Variants in PRRG1 observed in about 807,000 individuals in gnomAD.
PRRG1 encodes proline rich and Gla domain 1.
PRRG1 carries 5 observed loss-of-function variants against 11.8 expected under a neutral mutation model. That is an observed-to-expected ratio of 0.42 (90% CI 0.22 to 0.89). The LOEUF is 0.89. Ranked by LOEUF, PRRG1 falls within the 40% of genes least tolerant of loss-of-function variation. The probability of loss-of-function intolerance (pLI) is 0.28; values close to 1 mark genes in which losing one functional copy is unlikely to be tolerated. For missense variants in PRRG1, 155 were observed against 166.1 expected (o/e 0.93, Z 0.37); for synonymous variants, 66 against 60.4 (o/e 1.09, Z -0.43).
intron 1 of PRRG1, among the ~76,000 whole-genome samples, chrX:37,388,373 C>G (rs782491887): frequency 8.9e-5 from 10 of 112,926 alleles, no homozygotes; most frequent in Non-Finnish European, 1.7e-4. Flanking sequence ...GTAGAGGTTC[C>G]CCATGTGGGC....
intron 1 of PRRG1, among the ~76,000 whole-genome samples, chrX:37,390,879 C>T (rs1390066903): frequency 8.9e-6 from 1 of 112,104 alleles, no homozygotes; most frequent in Non-Finnish European, 1.9e-5. Flanking sequence ...CATGGGTAGG[C>T]ATCCTTAAGG....
intron 1 of PRRG1, among the ~76,000 whole-genome samples, chrX:37,361,417 C>T (rs1397797308): frequency 2.7e-5 from 3 of 111,184 alleles, no homozygotes; most frequent in Non-Finnish European, 3.8e-5. Flanking sequence ...TTATTTTCAA[C>T]CTCATTCAAA....
intron 3 of PRRG1, chrX:37,441,159 G>T: frequency 2.4e-6 from 2 of 836,238 alleles, no homozygotes; most frequent in Non-Finnish European, 2.9e-6. Flanking sequence ...ACAAGAAAAT[G>T]TTACCAAAAA....
chrX:37,391,973 C>T (rs1387189281), intron 1 of PRRG1, among the ~76,000 whole-genome samples: 2 of 110,113 alleles, frequency 1.8e-5, no homozygotes, highest in African/African-American at 6.6e-5. Flanking sequence ...GATACTTACA[C>T]TGGGCTTCCT....
At chrX:37,377,097 A>T (rs1476376483) in intron 1 of PRRG1, among the ~76,000 whole-genome samples, 1 of 111,595 alleles carries the variant, frequency 9.0e-6, no homozygotes, top group African/African-American at 3.2e-5. Context: ...TTAAATAAAA[A>T]TATTTGCATA....
At chrX:37,392,657 C>CAA (rs11296949) in intron 1 of PRRG1, among the ~76,000 whole-genome samples, 19 of 50,839 alleles carry the variant, frequency 3.7e-4, no homozygotes, top group African/African-American at 8.6e-4. Context: ...GACTCTGTCT[C>CAA]AAAAAAAAAA....
intron 2 of PRRG1, 143 bp downstream of exon 2, chrX:37,406,402 G>A: frequency 1.7e-6 from 1 of 577,096 alleles, no homozygotes; most frequent in South Asian, 3.3e-5. Context: ...TCTGAAGCAG[G>A]GCTTTTCAGA....
chrX:37,404,789 C>T (rs1266681298), intron 1 of PRRG1, among the ~76,000 whole-genome samples: 3 of 111,825 alleles, frequency 2.7e-5, no homozygotes, highest in Admixed American at 1.9e-4. Context: ...TTCTAAAGTT[C>T]CTTTCAACTC....
rs149397537 is a variant in PRRG1, at chrX:37,411,062, C to G, written c.10+4803C>G. Among the ~76,000 whole-genome samples the G allele has an allele frequency of 3.7e-3, 419 of 111,839 alleles. 2 individuals are homozygous for G. Among genetic ancestry groups the G allele is most frequent in the African/African-American group, 0.013 (394 of 30,830 alleles). On this transcript the variant is annotated intron_variant, in intron 2 of 3. Coordinates refer to ENST00000378628, the MANE Select transcript of PRRG1 (RefSeq NM_001142395.2). ...TTATAATATAATCAGCCTTCCATAT[C>G]TGTAGGTTCCACATCTGTAGATTCA...
chrX:37,406,127 C>T, intron 1 of PRRG1, 82 bp from the exon 2 acceptor site: 2 of 829,785 alleles, frequency 2.4e-6, no homozygotes, highest in East Asian at 3.3e-5. Context: ...ACATTGACCA[C>T]ATCAGCTGTA....
chrX:37,399,010 G>C (rs1281719492), intron 1 of PRRG1, among the ~76,000 whole-genome samples: 1 of 112,200 alleles, frequency 8.9e-6, no homozygotes, highest in African/African-American at 3.2e-5. Flanking sequence ...TCTGATTGGT[G>C]TACCTGAAAG....
intron 1 of PRRG1, among the ~76,000 whole-genome samples, chrX:37,365,227 T>C (rs999170703): frequency 7.2e-5 from 8 of 111,523 alleles, no homozygotes; most frequent in South Asian, 3.9e-4. Context: ...GAGCCCTTCG[T>C]ATTTATTGGG....
At chrX:37,408,507 A>G (rs1188858865) in intron 2 of PRRG1, among the ~76,000 whole-genome samples, 3 of 111,548 alleles carry the variant, frequency 2.7e-5, no homozygotes, top group East Asian at 2.8e-4. Flanking sequence ...GGGGGTGGCC[A>G]TGTTGCCAGG....
chrX:37,417,182 A>C (rs1275115746), intron 2 of PRRG1, among the ~76,000 whole-genome samples: 1 of 110,993 alleles, frequency 9.0e-6, no homozygotes, highest in Non-Finnish European at 1.9e-5. Context: ...AGATTTGTTT[A>C]AGTTTTAGGT....
At chrX:37,451,112 A>G (rs1401650238) in intron 3 of PRRG1, among the ~76,000 whole-genome samples, 2 of 111,646 alleles carry the variant, frequency 1.8e-5, no homozygotes, top group African/African-American at 6.5e-5. Flanking sequence ...TCCGCCTCCC[A>G]GTTTCAAGCA....
chrX:37,445,229 C>A (rs973107185), intron 3 of PRRG1, among the ~76,000 whole-genome samples: 27 of 112,130 alleles, frequency 2.4e-4, no homozygotes, highest in Non-Finnish European at 4.9e-4. Flanking sequence ...AATTTCAATG[C>A]CTAGATCAAA....
rs1214626506 is a variant in PRRG1 at position 37,457,148 on chromosome X, T to C, written c.*3527T>C. The C allele has an allele frequency of 8.9e-6, 1 of 112,514 alleles. No homozygotes were observed. The highest frequency in any genetic ancestry group is 3.2e-5 in the African/African-American group (1 of 30,959). The allele number at this position is 112,514 out of a possible 1,213,427, so 9.3% of individuals were successfully genotyped here. On this transcript the variant is annotated 3_prime_UTR_variant, in exon 4 of 4. Transcript: ENST00000378628. ...AACTTGGTTCTGTGTAAATAGTATG[T>C]ATTTTATTATAATATTTCTCATTTT... is the stretch of plus-strand genomic sequence containing the variant.
rs1223934612 is a variant in PRRG1, at chrX:37,371,374, C to T, written c.-42+21979C>T. ...CAGTAAAGCTCCTTTTTGCCTTGCTCGCCCTCCATTTGTCCATGTACCTCA... is the reference window on the plus strand; with the variant it reads ...CAGTAAAGCTCCTTTTTGCCTTGCTTGCCCTCCATTTGTCCATGTACCTCA... On this transcript the variant is annotated intron_variant, in intron 1 of 3. Coordinates refer to ENST00000378628, the MANE Select transcript of PRRG1 (RefSeq NM_001142395.2). Among the ~76,000 whole-genome samples, 3 of 111,933 alleles carry T rather than the reference C, an allele frequency of 2.7e-5. No individual in the cohort carries two copies. In the Admixed American group the frequency reaches 2.8e-4, roughly 11 times the overall value.
At chrX:37,384,844 G>C (rs540743135) in intron 1 of PRRG1, among the ~76,000 whole-genome samples, 1 of 111,912 alleles carries the variant, frequency 8.9e-6, no homozygotes, top group Non-Finnish European at 1.9e-5. Flanking sequence ...ACTCTGCTGG[G>C]AGTGTAAATT....
Sources: gnomAD v4.1 joint callset for allele counts (sites outside exome capture counted in the v4.1 genomes callset) on GRCh38, gnomAD v4.1.1 for gene constraint, MANE v1.5 for transcripts, NCBI Gene and HGNC (gene_info 2026-07-23, HGNC 2026-07-21) for gene names.